NAALADL2: variants seen among roughly 807,000 people sequenced by gnomAD.
The protein encoded by NAALADL2 is N-acetylated alpha-linked acidic dipeptidase like 2.
NAALADL2 carries 76 observed loss-of-function variants against 87.2 expected under a neutral mutation model. That is an observed-to-expected ratio of 0.87 (90% CI 0.72 to 1.05). The LOEUF is 1.05. Among genes scored for constraint, NAALADL2 ranks in the 50% least tolerant of loss-of-function variants. NAALADL2 has a pLI of 0.00. For missense variants in NAALADL2, 1,089 were observed against 945.8 expected (o/e 1.15, Z -1.99); for synonymous variants, 354 against 331.0 (o/e 1.07, Z -0.75).
intron 10 of NAALADL2, among the ~76,000 whole-genome samples, chr3:175,586,782 C>T (rs760446540): frequency 6.6e-6 from 1 of 152,082 alleles, no homozygotes; most frequent in African/African-American, 2.4e-5. Flanking sequence ...TAATTAATGA[C>T]TCAGGTATAT....
intron 2 of NAALADL2, among the ~76,000 whole-genome samples, chr3:175,181,176 C>G (rs1314351055): frequency 6.6e-6 from 1 of 152,064 alleles, no homozygotes; most frequent in East Asian, 1.9e-4. Context: ...TGATCTAGAT[C>G]TATTTATCCT....
At chr3:175,431,950 C>T (rs992699907) in intron 5 of NAALADL2, among the ~76,000 whole-genome samples, 3 of 151,916 alleles carry the variant, frequency 2.0e-5, no homozygotes, top group African/African-American at 7.2e-5. Flanking sequence ...GACCATTCTC[C>T]TTTCCCAGAC....
intron 1 of NAALADL2, among the ~76,000 whole-genome samples, chr3:174,952,089 A>T (rs1201625243): frequency 6.6e-6 from 1 of 152,020 alleles, no homozygotes; most frequent in Admixed American, 6.6e-5. Context: ...GTAAAATTTT[A>T]TTTGCTACAT....
upstream of NAALADL2, chr3:174,859,148 T>C (rs760048415): frequency 2.3e-5 from 9 of 392,370 alleles, no homozygotes; most frequent in Non-Finnish European, 4.1e-5. Context: ...TAAAAGTTTA[T>C]ATCAAAACTG....
At chr3:174,601,432 G>A (rs921974618) in intron 2 of NAALADL2, among the ~76,000 whole-genome samples, 2 of 152,086 alleles carry the variant, frequency 1.3e-5, no homozygotes, top group Non-Finnish European at 2.9e-5. Context: ...TTTGCCATTT[G>A]TATGTCTTCT....
rs371483986 is a variant in NAALADL2 at position 175,765,254 on chromosome 3, C to T, written c.2189+9836C>T. Among the ~76,000 whole-genome samples, 13 of 152,124 alleles carry T rather than the reference C, an allele frequency of 8.5e-5. No homozygotes were observed. The East Asian group carries it at 1.2e-3, about 14-fold the overall frequency. ...TCTTTGTAACGCTGATCATTATATA[C>T]ATTCCCTTTTACCCTTTTATGAATA... On this transcript the variant is annotated intron_variant, in intron 13 of 13. Transcript: ENST00000454872.
At chr3:175,759,315 AAGAG>A (rs1747683943) in intron 13 of NAALADL2, among the ~76,000 whole-genome samples, 1 of 152,128 alleles carries the variant, frequency 6.6e-6, no homozygotes, top group East Asian at 1.9e-4. Flanking sequence ...TGATTCAGTG[AAGAG>A]AGAAAGTATT....
chr3:174,682,535 A>G (rs1342460282), intron 2 of NAALADL2, among the ~76,000 whole-genome samples: 3 of 151,990 alleles, frequency 2.0e-5, no homozygotes, highest in Non-Finnish European at 4.4e-5. Context: ...CCCTCCCCCA[A>G]CTCCAGGCAT....
In NAALADL2 at chr3:175,804,019, C is replaced by G. The variant is rs1754490607; in HGVS notation, c.*816C>G. 1 of 152,072 alleles carries G rather than the reference C, an allele frequency of 6.6e-6. No individual in the cohort carries two copies. The highest frequency in any genetic ancestry group is 6.6e-5 in the Admixed American group (1 of 15,192). The allele number at this position is 152,072 out of a possible 1,614,324, so 9.4% of individuals were successfully genotyped here. On this transcript the variant is annotated 3_prime_UTR_variant, in exon 14 of 14. Coordinates refer to ENST00000454872, the MANE Select transcript of NAALADL2 (RefSeq NM_207015.3). Reference sequence around the variant, plus strand: ...CTTGTTTCTGTTGGAAACACTGAAGCAGGGACTCTAAAATGAAAGCATCTC... The same window carrying G: ...CTTGTTTCTGTTGGAAACACTGAAGGAGGGACTCTAAAATGAAAGCATCTC...
At chr3:175,130,424 C>G (rs1025214037) in intron 2 of NAALADL2, among the ~76,000 whole-genome samples, 1 of 152,074 alleles carries the variant, frequency 6.6e-6, no homozygotes, top group Non-Finnish European at 1.5e-5. Context: ...TTGTCAAGAC[C>G]AATGCCACAG....
At chr3:175,310,065 G>T (rs1185181677) in intron 4 of NAALADL2, among the ~76,000 whole-genome samples, 1 of 152,152 alleles carries the variant, frequency 6.6e-6, no homozygotes, top group Non-Finnish European at 1.5e-5. Context: ...TACGGAACTT[G>T]CAAGCAGTGT....
At chr3:175,446,593 TG>T (rs1166142819) in intron 5 of NAALADL2, among the ~76,000 whole-genome samples, 1 of 152,174 alleles carries the variant, frequency 6.6e-6, no homozygotes, top group Non-Finnish European at 1.5e-5. Flanking sequence ...GGTGTCTCCC[TG>T]TTCACTCTCT....
At chr3:175,441,417 G>T (rs1719736766) in intron 5 of NAALADL2, among the ~76,000 whole-genome samples, 1 of 152,046 alleles carries the variant, frequency 6.6e-6, no homozygotes, top group Non-Finnish European at 1.5e-5. Context: ...TATCCACAAG[G>T]GCTCCCAGAA....
intron 1 of NAALADL2, among the ~76,000 whole-genome samples, chr3:175,028,723 G>T (rs759460894): frequency 6.6e-6 from 1 of 151,742 alleles, no homozygotes; most frequent in Non-Finnish European, 1.5e-5. Flanking sequence ...ATCAAAAAAA[G>T]ATATATTTCA....
chr3:175,575,723 C>A (rs980892487), intron 9 of NAALADL2, among the ~76,000 whole-genome samples: 2 of 152,080 alleles, frequency 1.3e-5, no homozygotes, highest in Non-Finnish European at 2.9e-5. Context: ...TTTTAAATAT[C>A]GTCAGAGTCA....
intron 2 of NAALADL2, among the ~76,000 whole-genome samples, chr3:175,229,213 CAAAA>C (rs1023644195): frequency 7.1e-6 from 1 of 141,596 alleles, no homozygotes; most frequent in Non-Finnish European, 1.6e-5. Context: ...TGTAGTAAAA[CAAAA>C]AAAAAAGTTA....
chr3:174,976,306 G>T (rs2108629944), intron 1 of NAALADL2, among the ~76,000 whole-genome samples: 1 of 152,232 alleles, frequency 6.6e-6, no homozygotes, highest in Admixed American at 6.5e-5. Flanking sequence ...GGAAAAAATT[G>T]TCTATAGTCC....
At position 175,185,344 on chromosome 3, in the gene NAALADL2, C is replaced by T. The variant is rs1055701031; in HGVS notation, c.546-48587C>T. 4.6e-5 allele frequency among the ~76,000 whole-genome samples: 7 copies of T among 151,904 alleles called. 1 individual carries two copies. The highest frequency in any genetic ancestry group is 4.1e-4 in the South Asian group (2 of 4,826). On this transcript the variant is annotated intron_variant, in intron 2 of 13. Coordinates refer to ENST00000454872, the MANE Select transcript of NAALADL2 (RefSeq NM_207015.3). ...ATATGCACAAGATGTATGCAAAATACTTTTAACAGTGTAGTTTATAAAAGA... is the reference window on the plus strand; with the variant it reads ...ATATGCACAAGATGTATGCAAAATATTTTTAACAGTGTAGTTTATAAAAGA...
At chr3:174,702,338 C>T (rs963214273) in intron 2 of NAALADL2, among the ~76,000 whole-genome samples, 3 of 152,084 alleles carry the variant, frequency 2.0e-5, no homozygotes, top group Non-Finnish European at 4.4e-5. Context: ...TTCTCATTCT[C>T]TCTTAGCATC....
Sources: allele counts gnomAD v4.1 joint callset (sites outside exome capture counted in the v4.1 genomes callset), GRCh38; gene constraint gnomAD v4.1.1; transcripts MANE v1.5; gene names NCBI Gene and HGNC (gene_info 2026-07-23, HGNC 2026-07-21).